The following BAZ2B variants were observed in gnomAD, a reference collection of about 807,000 sequenced individuals.
The protein encoded by BAZ2B is bromodomain adjacent to zinc finger domain protein 2B.
BAZ2B carries 91 observed loss-of-function variants against 246.0 expected under a neutral mutation model. The ratio of observed to expected loss-of-function variants is 0.37; its 90% CI spans 0.31 to 0.44. The LOEUF is 0.44. BAZ2B is among the 20% of genes least tolerant of loss of function. The probability of loss-of-function intolerance (pLI) is 1.00; values close to 1 mark genes in which losing one functional copy is unlikely to be tolerated. For synonymous variants in BAZ2B, 855 were observed against 860.0 expected (o/e 0.99, Z 0.10); for missense variants, 2,332 against 2,533.7 (o/e 0.92, Z 1.71).
intron 1 of BAZ2B, among the ~76,000 whole-genome samples, chr2:159,592,805 A>T (rs1689711989): frequency 6.6e-6 from 1 of 152,202 alleles, no homozygotes; most frequent in African/African-American, 2.4e-5. Context: ...ATCTTAAGCC[A>T]AAACCACCTA....
chr2:159,581,809 A>G (rs1431884485), intron 1 of BAZ2B, among the ~76,000 whole-genome samples: 4 of 151,822 alleles, frequency 2.6e-5, no homozygotes, highest in African/African-American at 7.3e-5. Flanking sequence ...ATTCTGAGCA[A>G]ACTATCACAA....
Position 159,349,909 on chromosome 2 carries a change from T to C in BAZ2B, c.4662A>G (p.Glu1554=). Residue 1554 remains glutamate (E), a synonymous_variant, in exon 28 of 37, where the codon GAA becomes GAG. Transcript: ENST00000392783. ...PNDQLLKTLT[E]KNRQWFSLLP... is the part of the protein sequence containing the mutation. The stretch of plus-strand genomic sequence containing the variant: ...AAAGACTAAACCATTGTCTATTCTT[T>C]TCAGTCAGCGTTTTTAGTAACTGGT... The C allele has an allele frequency of 1.2e-6, 2 of 1,614,170 alleles. No individual in the cohort carries two copies. The highest frequency in any genetic ancestry group is 1.7e-6 in the Non-Finnish European group (2 of 1,180,006).
Position 159,350,361 on chromosome 2 carries a change from C to A in BAZ2B, c.4214-4G>T, listed in dbSNP as rs1308248020. On this transcript the variant is annotated splice_region_variant and splice_polypyrimidine_tract_variant and intron_variant, in intron 27 of 36. Coordinates refer to ENST00000392783, the MANE Select transcript of BAZ2B (RefSeq NM_013450.4). Reference sequence around the variant, plus strand: ...TCTTTTGCAATTTCTTCTAGTCCTACAAAATGAAAAAGCATTATGAACATC... The same window carrying A: ...TCTTTTGCAATTTCTTCTAGTCCTAAAAAATGAAAAAGCATTATGAACATC... 2.0e-6 allele frequency: 3 copies of A among 1,518,186 alleles called. No individual in the cohort carries two copies. The highest frequency in any genetic ancestry group is 1.8e-6 in the Non-Finnish European group (2 of 1,138,204). 94.0% of individuals were successfully genotyped at this position (1,518,186 alleles called of 1,614,324 possible).
intron 27 of BAZ2B, among the ~76,000 whole-genome samples, chr2:159,372,047 C>T (rs1470088774): frequency 1.3e-5 from 2 of 152,128 alleles, no homozygotes; most frequent in Non-Finnish European, 2.9e-5. Flanking sequence ...AAAAAGTGAT[C>T]CCATTACTAA....
At chr2:159,353,297 T>C (rs1250400659) in intron 27 of BAZ2B, among the ~76,000 whole-genome samples, 1 of 152,234 alleles carries the variant, frequency 6.6e-6, no homozygotes, top group African/African-American at 2.4e-5. Flanking sequence ...CCTTCTTGTA[T>C]GAAACAACCA....
Position 159,428,405 on chromosome 2 carries a change from G to A in BAZ2B, c.2270C>T (p.Thr757Ile). The change falls in exon 12 of 37, where the codon ACA (threonine) becomes ATA (isoleucine). Residue 757 changes from threonine (T) to isoleucine (I), a missense_variant. Around this residue, in one of 9 missense-constraint regions of BAZ2B, gnomAD observed 651 missense variants for 650.9 expected, o/e 1.00. Transcript: ENST00000392783. ...IPLEYGWQRETRIRNFGGRLQ... is the reference protein window; with the variant it reads ...IPLEYGWQREIRIRNFGGRLQ... ...GCGCCCTCCAAAGTTTCTTATTCTT[G>A]TCTCTCTCTGCCAGCTACACATAAC... is the stretch of plus-strand genomic sequence containing the variant. 6.2e-7 allele frequency: 1 copy of A among 1,612,458 alleles called. No individual in the cohort carries two copies. Among genetic ancestry groups the A allele is most frequent in the South Asian group, 1.1e-5 (1 of 91,010 alleles).
intron 32 of BAZ2B, among the ~76,000 whole-genome samples, 166 bp from the exon 33 acceptor site, chr2:159,337,243 G>A (rs960462663): frequency 1.3e-5 from 2 of 152,160 alleles, no homozygotes; most frequent in Non-Finnish European, 2.9e-5. Flanking sequence ...CTGTGGCTAC[G>A]TGCCTCAAAG....
intron 8 of BAZ2B, among the ~76,000 whole-genome samples, chr2:159,437,148 A>G (rs757734735): frequency 2.6e-5 from 4 of 152,256 alleles, no homozygotes; most frequent in Non-Finnish European, 2.9e-5. Context: ...TATCTAATTA[A>G]GTCGCCTAAA....
the BAZ2B span, among the ~76,000 whole-genome samples, chr2:159,709,157 G>A: frequency 7.1e-6 from 1 of 140,348 alleles, no homozygotes; most frequent in Non-Finnish European, 1.6e-5. Flanking sequence ...AAAAAAAAAA[G>A]AAGCAGGGAT....
chr2:159,325,045 A>ATATATATATATATAT, intron 35 of BAZ2B, 91 bp from the exon 36 acceptor site: 1 of 6,060 alleles, frequency 1.7e-4, no homozygotes, highest in African/African-American at 6.4e-4. Flanking sequence ...TATATATATT[A>ATATATATATATATAT]TATATATATA....
chr2:159,424,241 G>C (rs2069346766), intron 13 of BAZ2B, among the ~76,000 whole-genome samples: 1 of 151,962 alleles, frequency 6.6e-6, no homozygotes, highest in Non-Finnish European at 1.5e-5. Context: ...ATAAAATACT[G>C]ATAGGCTGTT....
chr2:159,676,984 ATATATATATATT>A, the BAZ2B span, among the ~76,000 whole-genome samples: 1 of 113,294 alleles, frequency 8.8e-6, no homozygotes, highest in Non-Finnish European at 1.9e-5. Flanking sequence ...ATATATATAT[ATATATATATATT>A]ACAATTTTTA....
the BAZ2B span, among the ~76,000 whole-genome samples, chr2:159,677,220 C>A: frequency 6.6e-6 from 1 of 151,436 alleles, no homozygotes; most frequent in Non-Finnish European, 1.5e-5. Context: ...TGAGAATACA[C>A]AGCTTCCTTC....
At chr2:159,519,934 G>C (rs2083948233) in intron 2 of BAZ2B, among the ~76,000 whole-genome samples, 1 of 151,532 alleles carries the variant, frequency 6.6e-6, no homozygotes, top group Admixed American at 6.6e-5. Flanking sequence ...ATCCTCCCCA[G>C]TTTGGTATTT....
At chr2:159,471,037 T>G (rs556174911) in intron 3 of BAZ2B, among the ~76,000 whole-genome samples, 4 of 151,386 alleles carry the variant, frequency 2.6e-5, no homozygotes, top group African/African-American at 9.7e-5. Context: ...AAAAAAAAAC[T>G]TAAGAAGGAG....
intron 2 of BAZ2B, among the ~76,000 whole-genome samples, chr2:159,519,063 G>C (rs1370838177): frequency 1.3e-5 from 2 of 152,050 alleles, no homozygotes; most frequent in Non-Finnish European, 2.9e-5. Context: ...GTGCAAGCCA[G>C]AGTGATAACA....
intron 25 of BAZ2B, among the ~76,000 whole-genome samples, chr2:159,379,003 T>C (rs1350280211): frequency 2.0e-5 from 3 of 152,170 alleles, no homozygotes; most frequent in African/African-American, 7.2e-5. Context: ...GGGTATTTAT[T>C]CAAAAGAACT....
chr2:159,389,431 G>A lies in BAZ2B; in HGVS notation c.3130C>T (p.Arg1044Cys), dbSNP rs1406759039. The A allele has an allele frequency of 6.2e-6, 10 of 1,610,540 alleles. No individual in the cohort carries two copies. Among genetic ancestry groups the A allele is most frequent in the Non-Finnish European group, 6.8e-6 (8 of 1,178,408 alleles). ...TCTAATCTTCGCTGCTCTAGTTTAC[G>A]CTCTTTATTTAATCTTTTCTCATCA... The part of the protein sequence containing the change: ...KRDEKRLNKE[R>C]KLEQRRLELE... The change falls in exon 21 of 37, where the codon CGT (arginine) becomes TGT (cysteine). Residue 1044 changes from arginine (R) to cysteine (C), a missense_variant. Coordinates refer to ENST00000392783, the MANE Select transcript of BAZ2B (RefSeq NM_013450.4).
intron 1 of BAZ2B, among the ~76,000 whole-genome samples, chr2:159,596,500 A>G (rs1690750506): frequency 6.6e-6 from 1 of 152,060 alleles, no homozygotes; most frequent in African/African-American, 2.4e-5. Context: ...CAAACATTTT[A>G]TTTTTGTTTT....
Sources: allele counts gnomAD v4.1 joint callset (sites outside exome capture counted in the v4.1 genomes callset), GRCh38; gene constraint gnomAD v4.1.1; regional missense constraint gnomAD v4.1.1; transcripts MANE v1.5; gene names NCBI Gene and HGNC (gene_info 2026-07-23, HGNC 2026-07-21).